Variants in FAM227B observed in about 807,000 individuals in gnomAD.
FAM227B encodes the protein family with sequence similarity 227 member B.
A neutral mutation model predicts 73.8 loss-of-function variants in FAM227B; 88 were observed. That is an observed-to-expected ratio of 1.19 (90% confidence interval 1.00 to 1.42). The LOEUF is 1.42. FAM227B is among the 40% of genes most tolerant of loss of function. The pLI is 0.00. For synonymous variants in FAM227B, 210 were observed against 190.5 expected (o/e 1.10, Z -0.84); for missense variants, 632 against 590.9 (o/e 1.07, Z -0.72).
intron 11 of FAM227B, among the ~76,000 whole-genome samples, chr15:49,502,978 G>A (rs2058265496): frequency 6.6e-6 from 1 of 152,170 alleles, no homozygotes; most frequent in Non-Finnish European, 1.5e-5. Flanking sequence ...TCAATCCTAA[G>A]CCAAAAGAAC....
intron 13 of FAM227B, among the ~76,000 whole-genome samples, chr15:49,345,507 T>C (rs1390206018): frequency 2.0e-5 from 3 of 152,222 alleles, no homozygotes; most frequent in Admixed American, 2.0e-4. Context: ...ATAAATTTTT[T>C]CCGAATTAGA....
chr15:49,447,137 G>A (rs967041973), intron 11 of FAM227B, among the ~76,000 whole-genome samples: 1 of 151,506 alleles, frequency 6.6e-6, no homozygotes, highest in Non-Finnish European at 1.5e-5. Context: ...CTGATATAAG[G>A]CTTTCAAAAA....
intron 13 of FAM227B, among the ~76,000 whole-genome samples, chr15:49,339,854 G>A (rs1036518490): frequency 6.6e-6 from 1 of 152,128 alleles, no homozygotes; most frequent in Admixed American, 6.5e-5. Flanking sequence ...AGGCAGCAGC[G>A]GCCTTGCTGA....
intron 13 of FAM227B, among the ~76,000 whole-genome samples, chr15:49,357,091 A>G (rs2043286144): frequency 1.3e-5 from 2 of 151,420 alleles, no homozygotes; most frequent in Non-Finnish European, 2.9e-5. Flanking sequence ...AGCAGTGTGT[A>G]GAGGGAAATT....
chr15:49,455,810 GCTTAT>G (rs1221716944), intron 11 of FAM227B, among the ~76,000 whole-genome samples: 1 of 152,018 alleles, frequency 6.6e-6, no homozygotes, highest in African/African-American at 2.4e-5. Context: ...GTCTCAAGTA[GCTTAT>G]CTTATCACTA....
At chr15:49,481,119 A>G (rs2055904087) in intron 11 of FAM227B, among the ~76,000 whole-genome samples, 1 of 152,210 alleles carries the variant, frequency 6.6e-6, no homozygotes, top group Non-Finnish European at 1.5e-5. Flanking sequence ...TTGAAGGAAA[A>G]GAAAATATTG....
chr15:49,542,996 T>C (rs2071302406), intron 9 of FAM227B, among the ~76,000 whole-genome samples: 1 of 152,146 alleles, frequency 6.6e-6, no homozygotes, highest in African/African-American at 2.4e-5. Flanking sequence ...TTTCATATAA[T>C]GTCTTCTTTT....
chr15:49,501,262 CT>C (rs1458048188), intron 11 of FAM227B, among the ~76,000 whole-genome samples: 1 of 152,122 alleles, frequency 6.6e-6, no homozygotes, highest in African/African-American at 2.4e-5. Flanking sequence ...AAGTTCAGAA[CT>C]TCTTGGAAAC....
intron 10 of FAM227B, among the ~76,000 whole-genome samples, chr15:49,513,301 C>A (rs2152124219): frequency 6.6e-6 from 1 of 152,314 alleles, no homozygotes; most frequent in South Asian, 2.1e-4. Context: ...ACCATTCTGA[C>A]TGGTGTGAGA....
intron 11 of FAM227B, among the ~76,000 whole-genome samples, chr15:49,479,597 CTGTTTTTTTTT>C (rs1353316907): frequency 2.6e-4 from 27 of 102,086 alleles, no homozygotes; most frequent in African/African-American, 1.0e-3. Context: ...GTTAATACCT[CTGTTTTTTTTT>C]TTTTTTTTTT....
At chr15:49,515,241 G>A (rs1238224456) in intron 10 of FAM227B, among the ~76,000 whole-genome samples, 1 of 151,982 alleles carries the variant, frequency 6.6e-6, no homozygotes, top group African/African-American at 2.4e-5. Context: ...CTTTCCTTGG[G>A]TGTGACAAGT....
chr15:49,525,651 T>G (rs1315370812), intron 10 of FAM227B, among the ~76,000 whole-genome samples: 2 of 88,170 alleles, frequency 2.3e-5, no homozygotes, highest in African/African-American at 4.1e-5. Context: ...AGACTCAAAG[T>G]TAAAGGGTGG....
At chr15:49,400,774 G>A (rs2048080924) in intron 11 of FAM227B, among the ~76,000 whole-genome samples, 1 of 151,034 alleles carries the variant, frequency 6.6e-6, no homozygotes, top group Non-Finnish European at 1.5e-5. Context: ...TTAATAAATG[G>A]TGCTGGGAAA....
In FAM227B at chr15:49,331,463, GAATT is replaced by G. The variant is rs1381182414; in HGVS notation, c.1419+313_1419+316del. On this transcript the variant is annotated intron_variant, in intron 15 of 15. Coordinates refer to ENST00000299338, the MANE Select transcript of FAM227B (RefSeq NM_152647.3). Reference sequence around the variant, plus strand: ...TGTTGGTACCCAATATGATTTTGTTGAATTATTAATGAAAAACTTACAATTTTAA... The same window carrying G: ...TGTTGGTACCCAATATGATTTTGTTGATTAATGAAAAACTTACAATTTTAA... 18 of 270,162 alleles carry G rather than the reference GAATT, an allele frequency of 6.7e-5. No homozygotes were observed. The East Asian group carries it at 1.0e-3, about 15-fold the overall frequency. The allele number at this position is 270,162 out of a possible 1,614,324, so 16.7% of individuals were successfully genotyped here.
intron 13 of FAM227B, chr15:49,365,775 C>G: frequency 1.2e-6 from 1 of 854,116 alleles, no homozygotes; most frequent in Non-Finnish European, 2.0e-6. Flanking sequence ...GAAACACAGC[C>G]CAAACAATAG....
intron 13 of FAM227B, chr15:49,354,069 A>G (rs1690415035): frequency 6.6e-6 from 1 of 152,174 alleles, no homozygotes; most frequent in African/African-American, 2.4e-5. Context: ...CACTGTTGAC[A>G]ATTTTCTTCT....
chr15:49,577,799 C>T (rs2075555392), intron 5 of FAM227B, 135 bp from the exon 6 acceptor site: 1 of 492,660 alleles, frequency 2.0e-6, no homozygotes, highest in East Asian at 3.3e-5. Flanking sequence ...GCCTAAAATA[C>T]TATTGCTGTG....
intron 13 of FAM227B, among the ~76,000 whole-genome samples, chr15:49,360,495 A>G (rs1350101520): frequency 1.3e-5 from 2 of 152,188 alleles, no homozygotes; most frequent in East Asian, 1.9e-4. Flanking sequence ...ATGTTAAAAA[A>G]ATTATTAAAT....
chr15:49,457,364 T>C (rs2053403915), intron 11 of FAM227B, among the ~76,000 whole-genome samples: 2 of 152,056 alleles, frequency 1.3e-5, no homozygotes, highest in Admixed American at 6.6e-5. Context: ...TAATTAGATA[T>C]GGGTTATGAG....
Sources: allele counts gnomAD v4.1 joint callset (sites outside exome capture counted in the v4.1 genomes callset), GRCh38; gene constraint gnomAD v4.1.1; transcripts MANE v1.5; gene names NCBI Gene and HGNC (gene_info 2026-07-23, HGNC 2026-07-21).